VCF1: variants seen among roughly 807,000 people sequenced by gnomAD.
VCF1 encodes the protein protein VCF1.
chr17:73,219,860 A>C, the VCF1 span, among the ~76,000 whole-genome samples: 3 of 151,590 alleles, frequency 2.0e-5, no homozygotes, highest in Admixed American at 6.6e-5. Context: ...CTGTAGTCCC[A>C]GTTACTCAGG....
At chr17:73,229,992 G>T in the VCF1 span, among the ~76,000 whole-genome samples, 56 of 151,070 alleles carry the variant, frequency 3.7e-4, 1 homozygote, top group African/African-American at 1.3e-3. Context: ...AGAGATAAAG[G>T]ATCTGTTAAA....
chr17:73,216,833 A>G, the VCF1 span, among the ~76,000 whole-genome samples: 3 of 152,220 alleles, frequency 2.0e-5, no homozygotes, highest in South Asian at 4.1e-4. Flanking sequence ...CTTTCATTTT[A>G]TTTTTCCAGT....
the VCF1 span, among the ~76,000 whole-genome samples, chr17:73,213,240 CA>C: frequency 1.1e-5 from 1 of 88,684 alleles, no homozygotes; most frequent in African/African-American, 4.1e-5. Context: ...AAGACTGTCT[CA>C]AAAGAAAAAA....
At chr17:73,208,548 CCA>C in the VCF1 span, 1 of 1,414,730 alleles carries the variant, frequency 7.1e-7, no homozygotes, top group African/African-American at 1.4e-5. Flanking sequence ...ACCAATCTTT[CCA>C]GTTTCACTGA....
chr17:73,231,237 A>G, the VCF1 span, among the ~76,000 whole-genome samples: 1 of 152,364 alleles, frequency 6.6e-6, no homozygotes, highest in South Asian at 2.1e-4. Flanking sequence ...ATTTCAGAGA[A>G]GGATCCTTGT....
At chr17:73,219,646 T>C in the VCF1 span, among the ~76,000 whole-genome samples, 43 of 138,130 alleles carry the variant, frequency 3.1e-4, no homozygotes, top group Non-Finnish European at 4.5e-4. Flanking sequence ...CGAGACTCTG[T>C]CTCCAAAAAA....
chr17:73,212,936 G>T, the VCF1 span, among the ~76,000 whole-genome samples: 1 of 151,802 alleles, frequency 6.6e-6, no homozygotes, highest in Admixed American at 6.6e-5. Context: ...AGGTAGATTT[G>T]CAATTTCCAG....
At chr17:73,230,795 C>G in the VCF1 span, among the ~76,000 whole-genome samples, 6 of 152,282 alleles carry the variant, frequency 3.9e-5, no homozygotes, top group African/African-American at 1.2e-4. Context: ...CAAATAACTT[C>G]TTTAAAACAT....
At chr17:73,209,919 C>T in the VCF1 span, among the ~76,000 whole-genome samples, 1 of 152,180 alleles carries the variant, frequency 6.6e-6, no homozygotes. Flanking sequence ...TGATAAAGTA[C>T]GCTCTCCTAA....
chr17:73,210,392 C>T, the VCF1 span, among the ~76,000 whole-genome samples: 1 of 151,344 alleles, frequency 6.6e-6, no homozygotes, highest in Admixed American at 6.6e-5. Flanking sequence ...GCGTGCCTAA[C>T]TTTTTCTTTA....
the VCF1 span, chr17:73,208,542 A>ATCTT: frequency 4.8e-6 from 7 of 1,451,020 alleles, no homozygotes; most frequent in African/African-American, 1.4e-5. Flanking sequence ...AGCCACACCA[A>ATCTT]TCTTTCCAGT....
the VCF1 span, among the ~76,000 whole-genome samples, chr17:73,221,622 C>T: frequency 2.6e-5 from 4 of 152,134 alleles, no homozygotes; most frequent in African/African-American, 7.2e-5. Context: ...GGCATGGTGG[C>T]TCACACCTGT....
At chr17:73,208,389 G>GA in the VCF1 span, 1 of 1,614,246 alleles carries the variant, frequency 6.2e-7, no homozygotes, top group Non-Finnish European at 8.5e-7. Context: ...TGTCAGTGAA[G>GA]AAGACAACAC....
At chr17:73,220,886 T>A in the VCF1 span, among the ~76,000 whole-genome samples, 3 of 148,688 alleles carry the variant, frequency 2.0e-5, no homozygotes, top group Non-Finnish European at 4.4e-5. Flanking sequence ...GCTTTTTTTT[T>A]AATTTAGATT....
At chr17:73,218,848 T>G in the VCF1 span, among the ~76,000 whole-genome samples, 4 of 152,000 alleles carry the variant, frequency 2.6e-5, no homozygotes, top group Non-Finnish European at 4.4e-5. Flanking sequence ...TGAAACCCCG[T>G]CTCTACTAAA....
the VCF1 span, among the ~76,000 whole-genome samples, chr17:73,223,262 A>G: frequency 6.6e-6 from 1 of 152,220 alleles, no homozygotes; most frequent in Non-Finnish European, 1.5e-5. Flanking sequence ...GGTTATGGCA[A>G]GCCGAGATTG....
the VCF1 span, among the ~76,000 whole-genome samples, chr17:73,218,432 A>G: frequency 1.3e-5 from 2 of 152,166 alleles, no homozygotes; most frequent in African/African-American, 4.8e-5. Flanking sequence ...GGACCACACA[A>G]TGTGTTTAAA....
the VCF1 span, among the ~76,000 whole-genome samples, chr17:73,214,208 T>G: frequency 2.6e-5 from 4 of 152,110 alleles, no homozygotes; most frequent in Non-Finnish European, 5.9e-5. Flanking sequence ...CAGACCAGTT[T>G]TCTCACTACT....
At chr17:73,210,400 TTAATG>T in the VCF1 span, among the ~76,000 whole-genome samples, 3 of 152,116 alleles carry the variant, frequency 2.0e-5, no homozygotes, top group Non-Finnish European at 2.9e-5. Flanking sequence ...AACTTTTTCT[TTAATG>T]TAACTAACAT....
Sources: gnomAD v4.1 joint callset for allele counts (sites outside exome capture counted in the v4.1 genomes callset) on GRCh38, gnomAD v4.1.1 for gene constraint, MANE v1.5 for transcripts, NCBI Gene and HGNC (gene_info 2026-07-23, HGNC 2026-07-21) for gene names.